Variants in SCUBE1 observed in about 807,000 individuals in gnomAD.
SCUBE1 encodes signal peptide, CUB and EGF-like domain-containing protein 1.
A neutral mutation model predicts 124.4 loss-of-function variants in SCUBE1; 59 were observed. The observed-to-expected ratio is 0.47, with a 90% CI of 0.38 to 0.59. The LOEUF is 0.59. Ranked by LOEUF, SCUBE1 falls within the 20% of genes least tolerant of loss-of-function variation. SCUBE1 has a pLI of 0.00. For synonymous variants in SCUBE1, 545 were observed against 550.9 expected, an observed-to-expected ratio of 0.99 and a Z score of 0.15; for missense variants, 1,150 against 1,371.2, an observed-to-expected ratio of 0.84 and a Z score of 2.55.
At chr22:43,329,931 A>G (rs1926850699) in intron 2 of SCUBE1, among the ~76,000 whole-genome samples, 1 of 152,086 alleles carries the variant, frequency 6.6e-6, no homozygotes, top group South Asian at 2.1e-4. Flanking sequence ...TGTAATAAGA[A>G]GCGGCTAAGA....
intron 8 of SCUBE1, among the ~76,000 whole-genome samples, chr22:43,231,253 G>T (rs1455717754): frequency 1.3e-5 from 2 of 152,088 alleles, no homozygotes; most frequent in Non-Finnish European, 2.9e-5. Context: ...CCCTGACCCC[G>T]CTCTGCACTG....
intron 4 of SCUBE1, among the ~76,000 whole-genome samples, chr22:43,264,600 C>G (rs1376272959): frequency 6.6e-6 from 1 of 152,214 alleles, no homozygotes; most frequent in African/African-American, 2.4e-5. Flanking sequence ...AGCAAGCCAT[C>G]TCCCTGACCG....
At chr22:43,263,042 G>A (rs1923931576) in intron 4 of SCUBE1, among the ~76,000 whole-genome samples, 197 bp from the exon 5 acceptor site, 1 of 152,226 alleles carries the variant, frequency 6.6e-6, no homozygotes. Flanking sequence ...ATCCCTTAGG[G>A]AGAAAGCAAG....
rs373914689 is a variant in SCUBE1 at position 43,210,016 on chromosome 22, C to G, written c.2581+27G>C. 121 of 1,571,262 alleles carry G rather than the reference C, an allele frequency of 7.7e-5. 1 individual carries two copies. The highest frequency in any genetic ancestry group is 4.0e-4 in the South Asian group (34 of 85,436). ...GGGGTGCACACGCAGCTGAGGCTGC[C>G]TCTGGTCCCCTCGGCCCCCAACATA... is the stretch of plus-strand genomic sequence containing the variant. On this transcript the variant is annotated intron_variant, in intron 19 of 21. Coordinates refer to ENST00000360835, the MANE Select transcript of SCUBE1 (RefSeq NM_173050.5). This position sits in a 1 kb window ranked among gnomAD's most constrained non-coding sequence, Gnocchi z 4.5.
chr22:43,322,705 G>A (rs1362698839), intron 2 of SCUBE1, among the ~76,000 whole-genome samples: 2 of 152,142 alleles, frequency 1.3e-5, no homozygotes, highest in African/African-American at 4.8e-5. Flanking sequence ...TAACTCTGGG[G>A]GTGGAGACTT....
At chr22:43,282,703 C>CT (rs967518967) in intron 4 of SCUBE1, 41 of 128,432 alleles carry the variant, frequency 3.2e-4, no homozygotes, top group South Asian at 9.2e-4. Flanking sequence ...TTTTTTTTTT[C>CT]TTTTTTTTTT....
At chr22:43,261,810 TC>T (rs1225236912) in intron 5 of SCUBE1, among the ~76,000 whole-genome samples, 1 of 152,240 alleles carries the variant, frequency 6.6e-6, no homozygotes, top group Non-Finnish European at 1.5e-5. Flanking sequence ...CCAGCAGTCT[TC>T]TTTGGCTCTT....
intron 21 of SCUBE1, among the ~76,000 whole-genome samples, chr22:43,206,354 A>G (rs1029709191): frequency 6.6e-6 from 1 of 150,914 alleles, no homozygotes; most frequent in African/African-American, 2.4e-5. Flanking sequence ...CTCACCACAC[A>G]TGCCTCCACA....
intron 2 of SCUBE1, among the ~76,000 whole-genome samples, chr22:43,331,724 G>A (rs1384509674): frequency 6.6e-6 from 1 of 152,160 alleles, no homozygotes; most frequent in African/African-American, 2.4e-5. Flanking sequence ...GCATTTAAAG[G>A]GGGTGAAATG....
At chr22:43,336,727 C>T (rs1192420943) in intron 2 of SCUBE1, among the ~76,000 whole-genome samples, 2 of 152,116 alleles carry the variant, frequency 1.3e-5, no homozygotes, top group East Asian at 3.9e-4. Context: ...AGGGTAGGTA[C>T]CCATTGCAGT....
At chr22:43,325,357 C>G (rs1242561761) in intron 2 of SCUBE1, among the ~76,000 whole-genome samples, 1 of 150,674 alleles carries the variant, frequency 6.6e-6, no homozygotes, top group East Asian at 2.0e-4. Flanking sequence ...GCAGGAAAAT[C>G]GCTTGGACTC....
intron 6 of SCUBE1, among the ~76,000 whole-genome samples, chr22:43,254,677 T>C (rs1923589362): frequency 6.6e-6 from 1 of 152,170 alleles, no homozygotes; most frequent in Non-Finnish European, 1.5e-5. Context: ...GTGAGCTATC[T>C]GAGAGCCATG....
chr22:43,271,800 G>T (rs1338372347), intron 4 of SCUBE1, among the ~76,000 whole-genome samples: 1 of 152,184 alleles, frequency 6.6e-6, no homozygotes, highest in Non-Finnish European at 1.5e-5. Flanking sequence ...ACCAAAGACT[G>T]CGGGCTTCTA....
chr22:43,227,259 G>A (rs1922354254), intron 10 of SCUBE1, 115 bp downstream of exon 10: 6 of 1,224,538 alleles, frequency 4.9e-6, no homozygotes, highest in African/African-American at 1.5e-5. Context: ...GGGAATGCAA[G>A]GCCTAGAGGA....
rs9623801 is a variant in SCUBE1 at position 43,278,377 on chromosome 22, C to T, written c.484+12669G>A. Among the ~76,000 whole-genome samples the T allele has an allele frequency of 6.9e-3, 1,044 of 152,312 alleles. 14 individuals carry two copies. Among genetic ancestry groups the T allele is most frequent in the African/African-American group, 0.024 (984 of 41,560 alleles). On this transcript the variant is annotated intron_variant, in intron 4 of 21. Transcript: ENST00000360835. ...CAGGTGCTGAGGCTGGGATGGGATT[C>T]GGAGGCATGGCCACACCCTCTCTTT... is the stretch of plus-strand genomic sequence containing the variant.
At chr22:43,229,004 G>T in intron 9 of SCUBE1, 68 bp downstream of exon 9, 3 of 1,136,532 alleles carry the variant, frequency 2.6e-6, no homozygotes, top group Non-Finnish European at 3.9e-6. Context: ...GCGGGGTGCA[G>T]TGTAGGTGGC....
intron 4 of SCUBE1, among the ~76,000 whole-genome samples, chr22:43,289,906 A>C (rs1249496584): frequency 6.6e-6 from 1 of 152,172 alleles, no homozygotes; most frequent in Non-Finnish European, 1.5e-5. Flanking sequence ...AGCCTTCTGC[A>C]GGTGCTGTGT....
intron 1 of SCUBE1, among the ~76,000 whole-genome samples, chr22:43,341,565 A>C (rs1436874330): frequency 2.6e-5 from 4 of 152,230 alleles, no homozygotes; most frequent in African/African-American, 4.8e-5. Flanking sequence ...AAATGGATGG[A>C]TGTTGATGAG....
chr22:43,239,946 C>T (rs986958735), intron 6 of SCUBE1, among the ~76,000 whole-genome samples: 2 of 152,204 alleles, frequency 1.3e-5, no homozygotes, highest in African/African-American at 4.8e-5. Flanking sequence ...TGTTCCTGTG[C>T]TGTGGGGTCT....
Sources: allele counts gnomAD v4.1 joint callset (sites outside exome capture counted in the v4.1 genomes callset), GRCh38; gene constraint gnomAD v4.1.1; non-coding constraint Gnocchi (gnomAD v3.1); transcripts MANE v1.5; gene names NCBI Gene and HGNC (gene_info 2026-07-23, HGNC 2026-07-21).